The following PPP2R5C variants were observed in gnomAD, a reference collection of about 807,000 sequenced individuals.
PPP2R5C encodes the protein serine/threonine-protein phosphatase 2A 56 kDa regulatory subunit gamma isoform.
In PPP2R5C, 7 loss-of-function variants were observed where a neutral mutation model predicts 68.9. The observed-to-expected ratio is 0.10, with a 90% CI of 0.06 to 0.19. PPP2R5C has a LOEUF of 0.19. PPP2R5C is among the 10% of genes least tolerant of loss of function. The pLI is 1.00. For synonymous variants in PPP2R5C, 210 were observed against 222.2 expected, an observed-to-expected ratio of 0.95 and a Z score of 0.49; for missense variants, 348 against 641.3, an observed-to-expected ratio of 0.54 and a Z score of 4.94.
intron 1 of PPP2R5C, among the ~76,000 whole-genome samples, chr14:101,833,246 G>A (rs2040863747): frequency 6.6e-6 from 1 of 152,240 alleles, no homozygotes; most frequent in African/African-American, 2.4e-5. Context: ...TCGGCCAGCC[G>A]TGGCCAGAGG....
rs959085670 is a variant in PPP2R5C, at chr14:101,882,085, A to C, written c.295-76A>C. The C allele has an allele frequency of 8.0e-7, 1 of 1,249,862 alleles. No individual in the cohort carries two copies. Among genetic ancestry groups the C allele is most frequent in the African/African-American group, 1.5e-5 (1 of 65,792 alleles). The allele number at this position is 1,249,862 out of a possible 1,614,324, so 77.4% of individuals were successfully genotyped here. Reference sequence around the variant, plus strand: ...ATGGGAAGCGGCTACTGTTAGAATTACCTAAGACTTTATAAAATGTTGTCT... The same window carrying C: ...ATGGGAAGCGGCTACTGTTAGAATTCCCTAAGACTTTATAAAATGTTGTCT... On this transcript the variant is annotated intron_variant, in intron 2 of 13. Transcript: ENST00000334743. The surrounding 1 kb of genome is among the most constrained non-coding windows in gnomAD (Gnocchi z 4.9).
At chr14:101,765,040 C>G (rs765263012) in intron 2 of PPP2R5C, 1 of 623,130 alleles carries the variant, frequency 1.6e-6, no homozygotes, top group Non-Finnish European at 2.9e-6. Flanking sequence ...ATACCAAAAT[C>G]ACTACTATGT....
At chr14:101,910,915 G>A (rs1453950530) in intron 11 of PPP2R5C, among the ~76,000 whole-genome samples, 4 of 151,750 alleles carry the variant, frequency 2.6e-5, no homozygotes, top group South Asian at 2.1e-4. Context: ...CAAGCCTGGC[G>A]AACACAGTGA....
chr14:101,836,564 CTACTT>C, intron 1 of PPP2R5C: 1 of 557,752 alleles, frequency 1.8e-6, no homozygotes, highest in South Asian at 2.5e-5. Context: ...TATAATATCT[CTACTT>C]TAAATGCCTG....
In PPP2R5C at chr14:101,836,361, C is replaced by T. The variant is rs1336960996; in HGVS notation, c.95-20325C>T. On this transcript the variant is annotated intron_variant, in intron 1 of 13. Transcript: ENST00000334743. Reference sequence around the variant, plus strand: ...ACTCCCGACCTGCCAGCCTTCTCCCCTGCCCTTCTGCCTCTACTCCCGACC... The same window carrying T: ...ACTCCCGACCTGCCAGCCTTCTCCCTTGCCCTTCTGCCTCTACTCCCGACC... 3 of 702,276 alleles carry T rather than the reference C, an allele frequency of 4.3e-6. No individual in the cohort carries two copies. The African/African-American group carries it at 5.2e-5, about 12-fold the overall frequency. The allele number at this position is 702,276 out of a possible 1,614,324, so 43.5% of individuals were successfully genotyped here. A position where few individuals can be genotyped will look rare whatever the true frequency, so the allele number is the denominator to read the frequency against.
At chr14:101,785,703 G>C (rs1165414187) in intron 2 of PPP2R5C, among the ~76,000 whole-genome samples, 1 of 152,180 alleles carries the variant, frequency 6.6e-6, no homozygotes, top group Admixed American at 6.5e-5. Flanking sequence ...ATATTCACCA[G>C]TTCCAGGAAT....
chr14:101,851,151 G>A (rs2042134944), intron 1 of PPP2R5C, among the ~76,000 whole-genome samples: 1 of 152,152 alleles, frequency 6.6e-6, no homozygotes, highest in Admixed American at 6.5e-5. Context: ...TACACTTGGG[G>A]CTGGCATGGT....
chr14:101,886,213 G>A (rs1377500803), intron 5 of PPP2R5C, among the ~76,000 whole-genome samples: 6 of 151,774 alleles, frequency 4.0e-5, no homozygotes, highest in Admixed American at 2.6e-4. Context: ...CCCGGGAGGC[G>A]GAGCTTACAG....
intron 9 of PPP2R5C, 112 bp downstream of exon 11, chr14:101,902,001 TC>T: frequency 8.1e-7 from 1 of 1,235,670 alleles, no homozygotes; most frequent in Non-Finnish European, 1.1e-6. Flanking sequence ...AAAGGTAAAA[TC>T]CAAGTTTTTA....
chr14:101,922,140 T>C (rs1393082911), intron 13 of PPP2R5C: 1 of 985,318 alleles, frequency 1.0e-6, no homozygotes, highest in East Asian at 1.1e-4. Context: ...ATGAAGTATT[T>C]TCCCTTTTGT....
chr14:101,805,730 T>C (rs1287433902), upstream of PPP2R5C, among the ~76,000 whole-genome samples: 4 of 152,136 alleles, frequency 2.6e-5, no homozygotes, highest in African/African-American at 9.7e-5. Flanking sequence ...CCTTTGAAGG[T>C]AGGAAATTTT....
Position 101,781,859 on chromosome 14 carries a change from TG to T in PPP2R5C, c.94-4157del, listed in dbSNP as rs1054884111. Among the ~76,000 whole-genome samples the T allele has an allele frequency of 6.6e-6, 1 of 151,770 alleles. No homozygotes were observed. Among genetic ancestry groups the T allele is most frequent in the African/African-American group, 2.4e-5 (1 of 41,292 alleles). The stretch of plus-strand genomic sequence containing the variant: ...GGGCTTCATCCTCCAGCCGTGGCCG[TG>T]GCCGTGGCCAGGTGTACCGGAGCGG... On this transcript the variant is annotated intron_variant, in intron 2 of 14. Transcript: ENST00000328724. This position sits in a 1 kb window ranked among gnomAD's most constrained non-coding sequence, Gnocchi z 6.4.
chr14:101,834,828 CTG>C (rs2040979186), intron 1 of PPP2R5C, among the ~76,000 whole-genome samples: 1 of 152,148 alleles, frequency 6.6e-6, no homozygotes, highest in African/African-American at 2.4e-5. Context: ...TGCCAAAAAG[CTG>C]TGAGAAAAAG....
intron 1 of PPP2R5C, among the ~76,000 whole-genome samples, chr14:101,851,086 G>C (rs933978721): frequency 1.3e-5 from 2 of 152,124 alleles, no homozygotes; most frequent in Admixed American, 1.3e-4. Context: ...TTGTCTGTGG[G>C]CTCGCGACTT....
At chr14:101,912,271 TG>T in intron 11 of PPP2R5C, 129 bp from the exon 14 acceptor site, 1 of 616,852 alleles carries the variant, frequency 1.6e-6, no homozygotes, top group Non-Finnish European at 2.7e-6. Context: ...CACGTAAGTG[TG>T]GGGAAATGGA....
intron 1 of PPP2R5C, among the ~76,000 whole-genome samples, chr14:101,853,311 A>G (rs2042259970): frequency 6.6e-6 from 1 of 152,188 alleles, no homozygotes; most frequent in Admixed American, 6.5e-5. Context: ...AAGAAATGAA[A>G]AAAAGAGCTC....
At chr14:101,890,612 T>C (rs1457148072) in intron 6 of PPP2R5C, among the ~76,000 whole-genome samples, 1 of 152,184 alleles carries the variant, frequency 6.6e-6, no homozygotes, top group Non-Finnish European at 1.5e-5. Context: ...AAGGTTTATA[T>C]TAGAAGCTTG....
At chr14:101,884,715 C>T (rs1253437628) in intron 5 of PPP2R5C, among the ~76,000 whole-genome samples, 1 of 152,238 alleles carries the variant, frequency 6.6e-6, no homozygotes, top group Non-Finnish European at 1.5e-5. Context: ...GTGTTGGAGC[C>T]TCCTGGAATG....
chr14:101,859,950 T>A (rs938037729), intron 2 of PPP2R5C, among the ~76,000 whole-genome samples: 2 of 152,158 alleles, frequency 1.3e-5, no homozygotes, highest in East Asian at 3.8e-4. Context: ...GCTTTATAGT[T>A]GTTGTACTCC....
Sources: allele counts gnomAD v4.1 joint callset (sites outside exome capture counted in the v4.1 genomes callset), GRCh38; gene constraint gnomAD v4.1.1; non-coding constraint Gnocchi (gnomAD v3.1); transcripts MANE v1.5; gene names NCBI Gene and HGNC (gene_info 2026-07-23, HGNC 2026-07-21).